GALNT18: variants seen among roughly 807,000 people sequenced by gnomAD.
GALNT18 encodes the protein polypeptide N-acetylgalactosaminyltransferase 18, also known as GalNAc-transferase 18.
In GALNT18, 44 loss-of-function variants were observed where a neutral mutation model predicts 69.5. The ratio of observed to expected loss-of-function variants is 0.63; its 90% CI spans 0.50 to 0.81. The LOEUF (loss-of-function observed/expected upper bound fraction) is 0.81, where lower values mean the gene tolerates loss of function less well. GALNT18 is among the 40% of genes least tolerant of loss of function. The probability of loss-of-function intolerance (pLI) is 0.00; values close to 1 mark genes in which losing one functional copy is unlikely to be tolerated. For missense variants in GALNT18, 715 were observed against 810.0 expected (o/e 0.88, Z 1.42); for synonymous variants, 364 against 318.2 (o/e 1.14, Z -1.53).
intron 6 of GALNT18, among the ~76,000 whole-genome samples, chr11:11,368,102 T>A (rs1454094708): frequency 1.3e-5 from 2 of 152,236 alleles, no homozygotes; most frequent in Non-Finnish European, 2.9e-5. Flanking sequence ...AGGTTGACAA[T>A]TATTTTCTCT....
rs966746451 is a variant in GALNT18, at chr11:11,377,894, C to T, written c.780-515G>A. ...ATGCCAGCTGTGCCACATCCACCCC[C>T]CAAAGCGTTTCCCAACCACCCAAGG... On this transcript the variant is annotated intron_variant, in intron 4 of 10. Transcript: ENST00000227756. The surrounding 1 kb of genome is among the most constrained non-coding windows in gnomAD (Gnocchi z 4.6). Among the ~76,000 whole-genome samples the T allele has an allele frequency of 6.6e-6, 1 of 152,260 alleles. No individual in the cohort carries two copies. Among genetic ancestry groups the T allele is most frequent in the South Asian group, 2.1e-4 (1 of 4,826 alleles).
At chr11:11,434,590 G>T (rs1564947588) in intron 2 of GALNT18, among the ~76,000 whole-genome samples, 1 of 152,244 alleles carries the variant, frequency 6.6e-6, no homozygotes, top group South Asian at 2.1e-4. Flanking sequence ...GGTCAGGAAG[G>T]CCTCTCTGAG....
intron 1 of GALNT18, among the ~76,000 whole-genome samples, chr11:11,558,076 A>G (rs188422938): frequency 6.6e-6 from 1 of 152,280 alleles, no homozygotes; most frequent in Admixed American, 6.5e-5. Flanking sequence ...GTCAGGGCCA[A>G]CCTTCCTGGA....
rs959815391 is a variant in GALNT18 at position 11,479,056 on chromosome 11, C to G, written c.236-30120G>C. ...CTGGAAAAACTGTCCATGCCCTTGG[C>G]TCTCTAGCCCTAGGCCTGGTGGTGG... On this transcript the variant is annotated intron_variant, in intron 1 of 10. Coordinates refer to ENST00000227756, the MANE Select transcript of GALNT18 (RefSeq NM_198516.3). Among the ~76,000 whole-genome samples the G allele has an allele frequency of 9.2e-5, 14 of 152,336 alleles. 2 individuals carry two copies. The highest frequency in any genetic ancestry group is 1.7e-4 in the African/African-American group (7 of 41,570).
chr11:11,393,418 CTGTT>C (rs375508897), intron 3 of GALNT18, among the ~76,000 whole-genome samples: 7 of 152,178 alleles, frequency 4.6e-5, no homozygotes, highest in African/African-American at 7.2e-5. Flanking sequence ...GTGTATTTTT[CTGTT>C]TGTTTGTTTG....
At chr11:11,301,362 G>C (rs1209865326) in intron 9 of GALNT18, among the ~76,000 whole-genome samples, 1 of 152,210 alleles carries the variant, frequency 6.6e-6, no homozygotes, top group East Asian at 1.9e-4. Context: ...CTGCAGACAG[G>C]CAGGCTGATT....
intron 3 of GALNT18, among the ~76,000 whole-genome samples, chr11:11,419,957 C>T (rs1854963509): frequency 6.6e-6 from 1 of 152,118 alleles, no homozygotes; most frequent in Non-Finnish European, 1.5e-5. Flanking sequence ...TCTTGCAGAG[C>T]CTTGGGCCTG....
chr11:11,521,486 C>G (rs190809957), intron 1 of GALNT18, among the ~76,000 whole-genome samples: 2 of 151,966 alleles, frequency 1.3e-5, no homozygotes, highest in African/African-American at 4.8e-5. Context: ...GTTCTCGGGA[C>G]GCTGCAGGCC....
intron 9 of GALNT18, among the ~76,000 whole-genome samples, chr11:11,316,004 TGACAGCTCAGAG>T (rs1440221056): frequency 1.3e-5 from 2 of 151,948 alleles, no homozygotes; most frequent in Non-Finnish European, 2.9e-5. Context: ...CCGTGCGAGG[TGACAGCTCAGAG>T]GACAATAAAT....
chr11:11,498,015 A>C (rs539922023), intron 1 of GALNT18, among the ~76,000 whole-genome samples: 5 of 152,060 alleles, frequency 3.3e-5, no homozygotes, highest in African/African-American at 1.2e-4. Context: ...AATTTGGCTT[A>C]AAATGAACTA....
At chr11:11,434,485 G>A (rs923649254) in intron 2 of GALNT18, among the ~76,000 whole-genome samples, 1 of 152,086 alleles carries the variant, frequency 6.6e-6, no homozygotes, top group Non-Finnish European at 1.5e-5. Context: ...AGATACATAC[G>A]GAAGAAAAAA....
At chr11:11,400,884 G>A (rs999375696) in intron 3 of GALNT18, among the ~76,000 whole-genome samples, 2 of 151,994 alleles carry the variant, frequency 1.3e-5, no homozygotes, top group African/African-American at 4.8e-5. Context: ...CGTGCCATGA[G>A]TATGCACCAC....
rs1859357908 is a variant in GALNT18, at chr11:11,591,356, T to C, written c.235+30003A>G. Among the ~76,000 whole-genome samples, 1 of 152,238 alleles carries C rather than the reference T, an allele frequency of 6.6e-6. No homozygotes were observed. Among genetic ancestry groups the C allele is most frequent in the African/African-American group, 2.4e-5 (1 of 41,466 alleles). Reference sequence around the variant, plus strand: ...CTCAGAACATATCCCCATCATTATGTGATACATGACTGTATAGATAAAGCA... The same window carrying C: ...CTCAGAACATATCCCCATCATTATGCGATACATGACTGTATAGATAAAGCA... On this transcript the variant is annotated intron_variant, in intron 1 of 10. Coordinates refer to ENST00000227756, the MANE Select transcript of GALNT18 (RefSeq NM_198516.3). The surrounding 1 kb of genome is among the most constrained non-coding windows in gnomAD (Gnocchi z 4.8).
At position 11,587,028 on chromosome 11, in the gene GALNT18, T is replaced by A. The variant is rs1859244835; in HGVS notation, c.235+34331A>T. 6.6e-6 allele frequency among the ~76,000 whole-genome samples: 1 copy of A among 151,098 alleles called. No homozygotes were observed. The highest frequency in any genetic ancestry group is 2.5e-5 in the African/African-American group (1 of 40,546). ...AATAAATAAATAAACTCAAATTTCCTCCCATTTTAGAAAAAGCTGCTTTCC... is the reference window on the plus strand; with the variant it reads ...AATAAATAAATAAACTCAAATTTCCACCCATTTTAGAAAAAGCTGCTTTCC... On this transcript the variant is annotated intron_variant, in intron 1 of 10. Coordinates refer to ENST00000227756, the MANE Select transcript of GALNT18 (RefSeq NM_198516.3). This position sits in a 1 kb window ranked among gnomAD's most constrained non-coding sequence, Gnocchi z 4.4.
intron 9 of GALNT18, among the ~76,000 whole-genome samples, chr11:11,297,563 G>T (rs986996815): frequency 6.6e-6 from 1 of 152,186 alleles, no homozygotes; most frequent in Non-Finnish European, 1.5e-5. Context: ...GGGGAGCCGG[G>T]AGAGGACTTC....
At chr11:11,448,639 G>T (rs1855715587) in intron 2 of GALNT18, 105 bp downstream of exon 2, 3 of 873,606 alleles carry the variant, frequency 3.4e-6, no homozygotes, top group Non-Finnish European at 5.0e-6. Flanking sequence ...AGCAGGAAAG[G>T]GACCCAAGAA....
Position 11,327,280 on chromosome 11 carries a change from C to T in GALNT18, c.1417-99G>A, listed in dbSNP as rs558443515. 6.4e-5 allele frequency: 59 copies of T among 925,286 alleles called. 1 individual carries two copies. Among genetic ancestry groups the T allele is most frequent in the Admixed American group, 4.6e-4 (24 of 51,684 alleles). The allele number at this position is 925,286 out of a possible 1,614,324, so 57.3% of individuals were successfully genotyped here. A position where few individuals can be genotyped will look rare whatever the true frequency, so the allele number is the denominator to read the frequency against. On this transcript the variant is annotated intron_variant, in intron 8 of 10. Coordinates refer to ENST00000227756, the MANE Select transcript of GALNT18 (RefSeq NM_198516.3). ...ACAAGTATTCTGCTGAGACAGATTT[C>T]ATGTCCATAATCAGCCCAAGGCCCT...
chr11:11,530,494 T>A (rs749603537), intron 1 of GALNT18, among the ~76,000 whole-genome samples: 1 of 152,164 alleles, frequency 6.6e-6, no homozygotes, highest in Non-Finnish European at 1.5e-5. Context: ...GTGAGCTTTG[T>A]GATCTGGAGT....
At chr11:11,284,930 T>TTTTTTTTA (rs1554909662) in intron 10 of GALNT18, among the ~76,000 whole-genome samples, 30 of 134,710 alleles carry the variant, frequency 2.2e-4, no homozygotes, top group African/African-American at 7.3e-4. Flanking sequence ...TTTTTTTTTT[T>TTTTTTTTA]AACTACTTGG....
Sources: allele counts gnomAD v4.1 joint callset (sites outside exome capture counted in the v4.1 genomes callset), GRCh38; gene constraint gnomAD v4.1.1; non-coding constraint Gnocchi (gnomAD v3.1); transcripts MANE v1.5; gene names NCBI Gene and HGNC (gene_info 2026-07-23, HGNC 2026-07-21).